Variants in LRCH1 observed in about 807,000 individuals in gnomAD.
LRCH1 encodes leucine-rich repeat and calponin homology domain-containing protein 1.
In LRCH1, 23 loss-of-function variants were observed where a neutral mutation model predicts 94.9. The ratio of observed to expected loss-of-function variants is 0.24; its 90% CI spans 0.17 to 0.34. The LOEUF (loss-of-function observed/expected upper bound fraction) is 0.34. Ranked by LOEUF, LRCH1 falls within the 10% of genes least tolerant of loss-of-function variation. The pLI, the probability that LRCH1 is intolerant of heterozygous loss-of-function variation, is 1.00. For synonymous variants in LRCH1, 364 were observed against 354.9 expected (o/e 1.03, Z -0.29); for missense variants, 790 against 945.9 (o/e 0.84, Z 2.16).
In LRCH1 at chr13:46,604,171, C is replaced by T. The variant is rs114245846; in HGVS notation, c.308-46030C>T. On this transcript the variant is annotated intron_variant, in intron 1 of 19. Transcript: ENST00000389797. ...ACTTTTTTTTTGCTATACATATGTC[C>T]CATGCAATATTTGAGACATACTTAT... Among the ~76,000 whole-genome samples, 744 of 152,078 alleles carry T rather than the reference C, an allele frequency of 4.9e-3. 7 individuals carry two copies. The highest frequency in any genetic ancestry group is 0.017 in the African/African-American group (699 of 41,482).
At chr13:46,637,291 C>CTAT (rs2051103450) in intron 1 of LRCH1, among the ~76,000 whole-genome samples, 2 of 152,338 alleles carry the variant, frequency 1.3e-5, no homozygotes, top group Admixed American at 6.5e-5. Flanking sequence ...TTGTCACCTC[C>CTAT]TCCCTGGCCT....
intron 1 of LRCH1, among the ~76,000 whole-genome samples, chr13:46,611,137 G>T (rs914992452): frequency 6.6e-6 from 1 of 152,098 alleles, no homozygotes; most frequent in Non-Finnish European, 1.5e-5. Flanking sequence ...TAGTGTCCCC[G>T]GTTGGTTTTG....
chr13:46,642,724 G>GA (rs1566195230), intron 1 of LRCH1, among the ~76,000 whole-genome samples: 1 of 152,142 alleles, frequency 6.6e-6, no homozygotes, highest in Non-Finnish European at 1.5e-5. Flanking sequence ...CCCTTTCTGG[G>GA]AACTACCTCT....
In LRCH1 at chr13:46,743,850, A is replaced by T. The variant is rs897085852; in HGVS notation, c.*2002A>T. 4 of 983,870 alleles carry T rather than the reference A, an allele frequency of 4.1e-6. No homozygotes were observed. In the Admixed American group the frequency reaches 1.8e-4, roughly 45 times the overall value. The allele number at this position is 983,870 out of a possible 1,614,324, so 60.9% of individuals were successfully genotyped here. A position where few individuals can be genotyped will look rare whatever the true frequency, so the allele number is the denominator to read the frequency against. ...TCAGTGTTGATATAGTTCAATTAAA[A>T]CATGTTAAAGACAAATTAAAAGACA... On this transcript the variant is annotated 3_prime_UTR_variant, in exon 20 of 20. Coordinates refer to ENST00000389797, the MANE Select transcript of LRCH1 (RefSeq NM_001164211.2).
chr13:46,747,376 GC>G (rs1416008520), downstream of LRCH1, among the ~76,000 whole-genome samples: 6 of 152,316 alleles, frequency 3.9e-5, no homozygotes, highest in Non-Finnish European at 7.4e-5. Context: ...TCCCTCGCAT[GC>G]CCTTCAGCTT....
intron 4 of LRCH1, among the ~76,000 whole-genome samples, chr13:46,682,777 G>T (rs1870395905): frequency 6.6e-6 from 1 of 152,204 alleles, no homozygotes; most frequent in Admixed American, 6.5e-5. Flanking sequence ...CAGCATGAAT[G>T]CCAAGACCTC....
intron 2 of LRCH1, among the ~76,000 whole-genome samples, chr13:46,650,852 A>T (rs2051286438): frequency 1.3e-5 from 2 of 152,196 alleles, no homozygotes; most frequent in South Asian, 4.1e-4. Context: ...AGGAGCACTG[A>T]ACAACTCTAG....
At chr13:46,599,941 A>G (rs2050608045) in intron 1 of LRCH1, among the ~76,000 whole-genome samples, 3 of 152,240 alleles carry the variant, frequency 2.0e-5, no homozygotes. Flanking sequence ...TTTCAAAACT[A>G]AAGGTATTTG....
intron 3 of LRCH1, among the ~76,000 whole-genome samples, chr13:46,676,087 C>G (rs747866728): frequency 2.6e-5 from 4 of 152,166 alleles, no homozygotes; most frequent in East Asian, 3.8e-4. Flanking sequence ...ATGGTGAAAC[C>G]CTGTCTCTAC....
chr13:46,555,027 G>A (rs1566139496), intron 1 of LRCH1, among the ~76,000 whole-genome samples: 1 of 152,188 alleles, frequency 6.6e-6, no homozygotes, highest in East Asian at 1.9e-4. Context: ...GAGCCTTAAT[G>A]AATATTTAGA....
rs573029698 is a variant in LRCH1 at position 46,595,155 on chromosome 13, C to T, written c.307+41452C>T. 3.3e-5 allele frequency among the ~76,000 whole-genome samples: 5 copies of T among 152,336 alleles called. No homozygotes were observed. In the East Asian group the frequency reaches 9.6e-4, roughly 29 times the overall value. On this transcript the variant is annotated intron_variant, in intron 1 of 19. Coordinates refer to ENST00000389797, the MANE Select transcript of LRCH1 (RefSeq NM_001164211.2). The stretch of plus-strand genomic sequence containing the variant: ...GTCATTTATAGTTTTGTTCTGTCAT[C>T]TCCCCATACCCATCGAGAACCCTAT...
chr13:46,611,793 A>C (rs533773259), intron 1 of LRCH1, among the ~76,000 whole-genome samples: 1 of 152,380 alleles, frequency 6.6e-6, no homozygotes, highest in Admixed American at 6.5e-5. Context: ...CTATTAAAAT[A>C]ATGTTATCTT....
intron 16 of LRCH1, among the ~76,000 whole-genome samples, chr13:46,722,220 AT>A (rs1872613185): frequency 6.6e-6 from 1 of 152,098 alleles, no homozygotes; most frequent in Non-Finnish European, 1.5e-5. Flanking sequence ...TGTGGTATGG[AT>A]TTCTAACATT....
chr13:46,599,076 A>G (rs1020940646), intron 1 of LRCH1, among the ~76,000 whole-genome samples: 3 of 152,216 alleles, frequency 2.0e-5, no homozygotes, highest in African/African-American at 4.8e-5. Flanking sequence ...TTATATAAAT[A>G]GAAGCATAGA....
At chr13:46,687,078 C>A (rs1593352412) in intron 5 of LRCH1, among the ~76,000 whole-genome samples, 1 of 150,886 alleles carries the variant, frequency 6.6e-6, no homozygotes, top group Middle Eastern at 3.5e-3. Context: ...CCTGCCTCAG[C>A]CTCCTGAGTA....
chr13:46,692,304 C>T (rs1325296022), intron 7 of LRCH1, among the ~76,000 whole-genome samples: 2 of 152,180 alleles, frequency 1.3e-5, no homozygotes, highest in African/African-American at 4.8e-5. Flanking sequence ...TTTACCAGCA[C>T]CCCAGAAAGC....
In LRCH1 at chr13:46,593,016, G is replaced by A. The variant is rs941833540; in HGVS notation, c.307+39313G>A. Among the ~76,000 whole-genome samples, 7 of 151,718 alleles carry A rather than the reference G, an allele frequency of 4.6e-5. No individual in the cohort carries two copies. The South Asian group carries it at 1.0e-3, about 23-fold the overall frequency. The stretch of plus-strand genomic sequence containing the variant: ...AAATCCCCATGTCCCTTCAGGACAC[G>A]GGTCCCAGCCTCTGCCCCAATGTAG... On this transcript the variant is annotated intron_variant, in intron 1 of 19. Coordinates refer to ENST00000389797, the MANE Select transcript of LRCH1 (RefSeq NM_001164211.2).
At chr13:46,748,067 C>CT (rs559849482), downstream of LRCH1, among the ~76,000 whole-genome samples, 214 of 152,084 alleles carry the variant, frequency 1.4e-3, 1 homozygote, top group African/African-American at 4.8e-3. Context: ...GATGCAAATA[C>CT]TTTTTTTTAA....
chr13:46,641,623 T>A (rs1185334146), intron 1 of LRCH1, among the ~76,000 whole-genome samples: 1 of 152,190 alleles, frequency 6.6e-6, no homozygotes, highest in African/African-American at 2.4e-5. Context: ...AAACAAGATG[T>A]TGCAAACGAG....
Sources: gnomAD v4.1 joint callset for allele counts (sites outside exome capture counted in the v4.1 genomes callset) on GRCh38, gnomAD v4.1.1 for gene constraint, MANE v1.5 for transcripts, NCBI Gene and HGNC (gene_info 2026-07-23, HGNC 2026-07-21) for gene names.